Variants in NAALADL2 observed in about 807,000 individuals in gnomAD.
The protein encoded by NAALADL2 is N-acetylated alpha-linked acidic dipeptidase like 2.
In NAALADL2, 76 loss-of-function variants were observed where a neutral mutation model predicts 87.2. The ratio of observed to expected loss-of-function variants is 0.87; its 90% CI spans 0.72 to 1.05. The LOEUF (loss-of-function observed/expected upper bound fraction) is 1.05. Ranked by LOEUF, NAALADL2 falls within the 50% of genes least tolerant of loss-of-function variation. The pLI, the probability that NAALADL2 is intolerant of heterozygous loss-of-function variation, is 0.00. For synonymous variants in NAALADL2, 354 were observed against 331.0 expected (o/e 1.07, Z -0.75); for missense variants, 1,089 against 945.8 (o/e 1.15, Z -1.99).
At chr3:175,742,249 G>A (rs947292632) in intron 12 of NAALADL2, among the ~76,000 whole-genome samples, 1 of 152,166 alleles carries the variant, frequency 6.6e-6, no homozygotes, top group Non-Finnish European at 1.5e-5. Flanking sequence ...TATAGAAATA[G>A]AATGGGAGGC....
chr3:174,780,276 C>T (rs1283245553), intron 3 of NAALADL2, among the ~76,000 whole-genome samples: 2 of 152,096 alleles, frequency 1.3e-5, no homozygotes, highest in African/African-American at 4.8e-5. Context: ...CTATTTGGCT[C>T]TCTGTTTGTC....
chr3:174,697,236 CAG>C (rs948640755), intron 2 of NAALADL2, among the ~76,000 whole-genome samples: 1 of 151,994 alleles, frequency 6.6e-6, no homozygotes, highest in African/African-American at 2.4e-5. Context: ...GATAATAGGA[CAG>C]AGAGAAAAGT....
intron 2 of NAALADL2, among the ~76,000 whole-genome samples, chr3:175,193,427 C>T (rs758297735): frequency 2.6e-5 from 4 of 151,790 alleles, no homozygotes; most frequent in Non-Finnish European, 4.4e-5. Flanking sequence ...AAAAAGCAGC[C>T]ATTCCAAAAT....
rs369948226 is a variant in NAALADL2 at position 175,632,611 on chromosome 3, A to C, written c.1896+5225A>C. ...AAGGACAGGATGTATGATATAGGAGACATGAAATAGAGTGAAGAGTCAAAG... is the reference window on the plus strand; with the variant it reads ...AAGGACAGGATGTATGATATAGGAGCCATGAAATAGAGTGAAGAGTCAAAG... On this transcript the variant is annotated intron_variant, in intron 11 of 13. Coordinates refer to ENST00000454872, the MANE Select transcript of NAALADL2 (RefSeq NM_207015.3). Among the ~76,000 whole-genome samples the C allele has an allele frequency of 2.6e-5, 4 of 152,140 alleles. No homozygotes were observed. In the East Asian group the frequency reaches 7.7e-4, roughly 29 times the overall value.
At chr3:175,304,869 T>G (rs9854496) in intron 4 of NAALADL2, among the ~76,000 whole-genome samples, 3,678 of 152,268 alleles carry the variant, frequency 0.024, 131 homozygotes, top group African/African-American at 0.081. Context: ...TTTTCTGCTT[T>G]TATATTAAAT....
At chr3:174,622,956 T>C (rs1001467228) in intron 2 of NAALADL2, among the ~76,000 whole-genome samples, 2 of 152,162 alleles carry the variant, frequency 1.3e-5, no homozygotes, top group Admixed American at 6.5e-5. Context: ...GGCAGGAGAA[T>C]GGCGTGAACC....
intron 1 of NAALADL2, among the ~76,000 whole-genome samples, chr3:175,053,608 T>A (rs1245079648): frequency 1.3e-5 from 2 of 152,240 alleles, no homozygotes; most frequent in African/African-American, 4.8e-5. Context: ...GCATAACCTC[T>A]GCCCCAAGTT....
intron 1 of NAALADL2, among the ~76,000 whole-genome samples, chr3:174,478,909 A>C (rs958130576): frequency 6.6e-6 from 1 of 152,146 alleles, no homozygotes; most frequent in Middle Eastern, 3.2e-3. Flanking sequence ...AGGTTTTGCC[A>C]TGCTGGCTAG....
intron 2 of NAALADL2, among the ~76,000 whole-genome samples, chr3:174,700,892 A>G (rs923344421): frequency 1.3e-5 from 2 of 152,204 alleles, no homozygotes; most frequent in Non-Finnish European, 2.9e-5. Flanking sequence ...AGGGATTCTA[A>G]CAAAGGCTCA....
chr3:174,884,087 C>A (rs1490781613), intron 1 of NAALADL2, among the ~76,000 whole-genome samples: 1 of 152,160 alleles, frequency 6.6e-6, no homozygotes, highest in African/African-American at 2.4e-5. Flanking sequence ...ATGGAATCAT[C>A]ATTGTGTCTC....
intron 10 of NAALADL2, among the ~76,000 whole-genome samples, chr3:175,615,608 A>G (rs1342140689): frequency 6.6e-6 from 1 of 151,976 alleles, no homozygotes; most frequent in African/African-American, 2.4e-5. Context: ...CTGTAATCCC[A>G]GCACCTTGGG....
At chr3:175,511,495 G>A (rs1731148183) in intron 9 of NAALADL2, among the ~76,000 whole-genome samples, 1 of 152,212 alleles carries the variant, frequency 6.6e-6, no homozygotes, top group African/African-American at 2.4e-5. Flanking sequence ...CCATCTGCAA[G>A]CCAGGAAGAA....
intron 11 of NAALADL2, among the ~76,000 whole-genome samples, chr3:175,663,526 T>G (rs537839360): frequency 0.014 from 2,073 of 152,020 alleles, 53 homozygotes; most frequent in African/African-American, 0.047. Context: ...TAATCTTTTC[T>G]AATTTGTTTT....
At chr3:175,013,972 A>G (rs1287385848) in intron 1 of NAALADL2, among the ~76,000 whole-genome samples, 1 of 152,156 alleles carries the variant, frequency 6.6e-6, no homozygotes, top group African/African-American at 2.4e-5. Flanking sequence ...TCATAGGGTC[A>G]CACTCTAATA....
At chr3:175,136,078 C>A (rs1285603471) in intron 2 of NAALADL2, among the ~76,000 whole-genome samples, 1 of 152,130 alleles carries the variant, frequency 6.6e-6, no homozygotes, top group African/African-American at 2.4e-5. Flanking sequence ...CATTGTGAAC[C>A]TACTCCTTAG....
At chr3:175,029,081 G>A (rs1484869001) in intron 1 of NAALADL2, among the ~76,000 whole-genome samples, 1 of 149,646 alleles carries the variant, frequency 6.7e-6, no homozygotes, top group African/African-American at 2.4e-5. Flanking sequence ...CTCAAAATGT[G>A]CATGCAATTT....
intron 2 of NAALADL2, among the ~76,000 whole-genome samples, chr3:175,127,259 A>T (rs934096999): frequency 2.5e-4 from 38 of 152,126 alleles, no homozygotes; most frequent in African/African-American, 8.9e-4. Flanking sequence ...GAAGCATTTT[A>T]GTTTAGGTCA....
intron 2 of NAALADL2, among the ~76,000 whole-genome samples, chr3:174,557,351 A>G (rs546826055): frequency 6.6e-6 from 1 of 152,320 alleles, no homozygotes; most frequent in Admixed American, 6.5e-5. Flanking sequence ...GCTGCTTTTT[A>G]GTCATTTCAT....
chr3:175,425,644 G>A (rs1397700824), intron 5 of NAALADL2, among the ~76,000 whole-genome samples: 1 of 152,012 alleles, frequency 6.6e-6, no homozygotes, highest in Admixed American at 6.6e-5. Flanking sequence ...TAAGATAAGA[G>A]AGTAAAAGAA....
Sources: allele counts gnomAD v4.1 joint callset (sites outside exome capture counted in the v4.1 genomes callset), GRCh38; gene constraint gnomAD v4.1.1; transcripts MANE v1.5; gene names NCBI Gene and HGNC (gene_info 2026-07-23, HGNC 2026-07-21).